Variants in NEO1 observed in about 807,000 individuals in gnomAD.
The protein encoded by NEO1 is neogenin 1.
In NEO1, 63 loss-of-function variants were observed where a neutral mutation model predicts 159.7. That is an observed-to-expected ratio of 0.39 (90% CI 0.32 to 0.49). The LOEUF is 0.49. NEO1 is among the 20% of genes least tolerant of loss of function. The pLI, the probability that NEO1 is intolerant of heterozygous loss-of-function variation, is 0.85. For missense variants in NEO1, 1,615 were observed against 1,831.0 expected (o/e 0.88, Z 2.15); for synonymous variants, 633 against 662.0 (o/e 0.96, Z 0.67).
At chr15:73,088,943 G>T (rs550260763) in intron 1 of NEO1, among the ~76,000 whole-genome samples, 1 of 152,204 alleles carries the variant, frequency 6.6e-6, no homozygotes, top group South Asian at 2.1e-4. Context: ...AAAAGTGTTA[G>T]ATTTTAATTT....
intron 6 of NEO1, among the ~76,000 whole-genome samples, chr15:73,177,465 A>C (rs2035344816): frequency 6.6e-6 from 1 of 152,228 alleles, no homozygotes; most frequent in Non-Finnish European, 1.5e-5. Flanking sequence ...AATCTGTTAT[A>C]GTTAAAATAG....
chr15:73,147,815 GTCTTT>G (rs983008086), intron 5 of NEO1, among the ~76,000 whole-genome samples: 1 of 95,470 alleles, frequency 1.0e-5, no homozygotes, highest in Non-Finnish European at 2.0e-5. Flanking sequence ...TTGGTGGAAT[GTCTTT>G]TTTTTTTTTT....
Position 73,300,582 on chromosome 15 carries a change from T to C in NEO1, c.4166-739T>C, listed in dbSNP as rs1374092483. Among the ~76,000 whole-genome samples, 6 of 152,124 alleles carry C rather than the reference T, an allele frequency of 3.9e-5. No homozygotes were observed. The East Asian group carries it at 9.7e-4, about 24-fold the overall frequency. The stretch of plus-strand genomic sequence containing the variant: ...CCGCCTCTACTAAAAATACAAAAAG[T>C]TAGCCGGGTGTGGTAGCAGACACCT... On this transcript the variant is annotated intron_variant, in intron 27 of 28. Coordinates refer to ENST00000261908, the MANE Select transcript of NEO1 (RefSeq NM_002499.4).
At position 73,278,926 on chromosome 15, in the gene NEO1, G is replaced by A. The variant is rs150809193; in HGVS notation, c.3262+727G>A. ...AAAAGCAGTGGGTGCTGTACCAGAC[G>A]TGGGAACCTAGAGTGGAAAGTGTCC... On this transcript the variant is annotated intron_variant, in intron 22 of 28. Coordinates refer to ENST00000261908, the MANE Select transcript of NEO1 (RefSeq NM_002499.4). Among the ~76,000 whole-genome samples, 9 of 152,326 alleles carry A rather than the reference G, an allele frequency of 5.9e-5. No homozygotes were observed. In the South Asian group the frequency reaches 1.0e-3, roughly 18 times the overall value.
chr15:73,194,973 G>A (rs1596314016), intron 7 of NEO1, among the ~76,000 whole-genome samples: 1 of 152,146 alleles, frequency 6.6e-6, no homozygotes, highest in Non-Finnish European at 1.5e-5. Flanking sequence ...CTTTGAAGAG[G>A]TAGACATATA....
chr15:73,135,804 T>G (rs1374590992), intron 4 of NEO1, 87 bp from the exon 5 acceptor site: 1 of 1,199,762 alleles, frequency 8.3e-7, no homozygotes. Flanking sequence ...TCTTTAAGTG[T>G]TTTCTCTATT....
At chr15:73,149,886 T>G (rs1275630623) in intron 5 of NEO1, among the ~76,000 whole-genome samples, 1 of 152,348 alleles carries the variant, frequency 6.6e-6, no homozygotes, top group East Asian at 1.9e-4. Flanking sequence ...TTCTAGTTAT[T>G]TTGAAATATA....
intron 16 of NEO1, among the ~76,000 whole-genome samples, chr15:73,268,968 TG>T (rs1236341727): frequency 6.6e-6 from 1 of 152,244 alleles, no homozygotes; most frequent in Non-Finnish European, 1.5e-5. Flanking sequence ...AATTCATCAC[TG>T]GGTTGTTCTC....
chr15:73,231,550 T>C (rs1485762938), intron 7 of NEO1, among the ~76,000 whole-genome samples: 1 of 152,082 alleles, frequency 6.6e-6, no homozygotes, highest in Non-Finnish European at 1.5e-5. Context: ...CTGGGCAACA[T>C]GGTGAAACCC....
At chr15:73,281,750 AAG>A (rs1420903919) in intron 22 of NEO1, among the ~76,000 whole-genome samples, 2 of 152,206 alleles carry the variant, frequency 1.3e-5, no homozygotes, top group Non-Finnish European at 2.9e-5. Flanking sequence ...GCTAGAAGGA[AAG>A]AGATTAGATA....
chr15:73,289,428 G>A (rs1185087438), intron 25 of NEO1, among the ~76,000 whole-genome samples, 190 bp downstream of exon 25: 1 of 152,120 alleles, frequency 6.6e-6, no homozygotes. Context: ...TGAGGCTAGC[G>A]TCGTTATGTT....
At chr15:73,299,042 A>G (rs1026547651) in intron 27 of NEO1, among the ~76,000 whole-genome samples, 5 of 152,168 alleles carry the variant, frequency 3.3e-5, no homozygotes, top group African/African-American at 9.7e-5. Flanking sequence ...CAGAATAGGG[A>G]AAGGAATCCT....
chr15:73,248,384 A>C (rs1004424365), intron 9 of NEO1, among the ~76,000 whole-genome samples: 1 of 152,150 alleles, frequency 6.6e-6, no homozygotes, highest in East Asian at 1.9e-4. Context: ...TCACTATCTG[A>C]CTAGTCATTG....
chr15:73,186,672 GTCATA>G (rs1235261129), intron 7 of NEO1, among the ~76,000 whole-genome samples: 1 of 151,840 alleles, frequency 6.6e-6, no homozygotes, highest in South Asian at 2.1e-4. Flanking sequence ...GAATTAAATA[GTCATA>G]TCAGTATATA....
chr15:73,266,623 G>A (rs896377005), intron 16 of NEO1, among the ~76,000 whole-genome samples: 1 of 152,034 alleles, frequency 6.6e-6, no homozygotes, highest in Non-Finnish European at 1.5e-5. Flanking sequence ...TGCCACGTAA[G>A]CCATTCTGTG....
chr15:73,278,290 G>A, intron 22 of NEO1, 91 bp downstream of exon 22: 2 of 1,138,798 alleles, frequency 1.8e-6, no homozygotes, highest in South Asian at 1.4e-5. Context: ...CTTGTGTGTG[G>A]TGGGTTGTAG....
At chr15:73,279,193 ACT>A (rs1294253478) in intron 22 of NEO1, among the ~76,000 whole-genome samples, 3 of 151,634 alleles carry the variant, frequency 2.0e-5, no homozygotes, top group Admixed American at 6.6e-5. Flanking sequence ...AGGTTCTAGG[ACT>A]CTGTTTATGA....
chr15:73,274,579 T>C (rs2041318293), intron 20 of NEO1, 113 bp from the exon 21 acceptor site: 3 of 998,924 alleles, frequency 3.0e-6, no homozygotes, highest in Non-Finnish European at 4.7e-6. Flanking sequence ...TTCAGTTTGT[T>C]TGGAAGTTTG....
At chr15:73,174,025 G>C (rs1310775469) in intron 5 of NEO1, among the ~76,000 whole-genome samples, 2 of 151,250 alleles carry the variant, frequency 1.3e-5, no homozygotes, top group East Asian at 3.9e-4. Flanking sequence ...GCTTGAACCT[G>C]TGAGGCGAAG....
Sources: gnomAD v4.1 joint callset for allele counts (sites outside exome capture counted in the v4.1 genomes callset) on GRCh38, gnomAD v4.1.1 for gene constraint, MANE v1.5 for transcripts, NCBI Gene and HGNC (gene_info 2026-07-23, HGNC 2026-07-21) for gene names.